Variants in GPRC5A observed in about 807,000 individuals in gnomAD.
GPRC5A encodes G protein-coupled receptor class C group 5 member A.
GPRC5A carries 19 observed loss-of-function variants against 22.5 expected under a neutral mutation model. That is an observed-to-expected ratio of 0.85 (90% CI 0.59 to 1.24). The LOEUF is 1.24. Among genes scored for constraint, GPRC5A ranks in the 50% most tolerant of loss-of-function variants. GPRC5A has a pLI of 0.00. For missense variants in GPRC5A, 471 were observed against 451.1 expected (o/e 1.04, Z -0.40); for synonymous variants, 192 against 184.5 (o/e 1.04, Z -0.33).
At chr12:12,910,770 T>C (rs1481727006) in intron 2 of GPRC5A, among the ~76,000 whole-genome samples, 1 of 152,158 alleles carries the variant, frequency 6.6e-6, no homozygotes, top group South Asian at 2.1e-4. Flanking sequence ...GTCTGTCTCA[T>C]TGCACTGTTA....
rs1050323835 is a variant in GPRC5A, at chr12:12,891,578, G to T, written c.-94G>T. On this transcript the variant is annotated 5_prime_UTR_variant, in exon 1 of 4. Coordinates refer to ENST00000014914, the MANE Select transcript of GPRC5A (RefSeq NM_003979.4). ...TGCGAGGGCGGGATAGCTGTCCAAG[G>T]TCTCCCCCAGCACTGAGGAGCTCGC... is the stretch of plus-strand genomic sequence containing the variant. 1 of 152,382 alleles carries T rather than the reference G, an allele frequency of 6.6e-6. No homozygotes were observed. The highest frequency in any genetic ancestry group is 2.4e-5 in the African/African-American group (1 of 41,574). 9.4% of individuals were successfully genotyped at this position (152,382 alleles called of 1,614,324 possible).
intron 1 of GPRC5A, among the ~76,000 whole-genome samples, chr12:12,895,994 C>CAAAA (rs1323287104): frequency 1.5e-4 from 2 of 12,922 alleles, no homozygotes; most frequent in South Asian, 3.0e-3. Flanking sequence ...CTCTGTCTCA[C>CAAAA]AAAAAAAAAA....
intron 1 of GPRC5A, among the ~76,000 whole-genome samples, chr12:12,897,878 G>C (rs1863839767): frequency 6.6e-6 from 1 of 151,898 alleles, no homozygotes; most frequent in Admixed American, 6.6e-5. Context: ...CCAAAGTTCT[G>C]GGCTCACAGG....
Position 12,909,129 on chromosome 12 carries a change from G to C in GPRC5A, c.880G>C (p.Gly294Arg). Residue 294 changes from glycine to arginine, a missense_variant, in exon 2 of 4, where the codon GGT becomes CGT. Coordinates refer to ENST00000014914, the MANE Select transcript of GPRC5A (RefSeq NM_003979.4). Reference protein sequence around the residue: ...CKPQLVKKSYGVENRAYSQEE... With the variant: ...CKPQLVKKSYRVENRAYSQEE... ...ACCTCAACTCGTGAAGAAGAGCTAT[G>C]GTGTGGAGAACAGAGCCTACTCTCA... 1.9e-6 allele frequency: 3 copies of C among 1,599,564 alleles called. No homozygotes were observed. Among genetic ancestry groups the C allele is most frequent in the Non-Finnish European group, 2.5e-6 (3 of 1,179,384 alleles).
Position 12,906,160 on chromosome 12 carries a change from G to A in GPRC5A, c.-7-2083G>A, listed in dbSNP as rs76661328. Among the ~76,000 whole-genome samples, 1,457 of 152,258 alleles carry A rather than the reference G, an allele frequency of 9.6e-3. 22 individuals carry two copies. Among genetic ancestry groups the A allele is most frequent in the African/African-American group, 0.033 (1,354 of 41,510 alleles). On this transcript the variant is annotated intron_variant, in intron 1 of 3. Coordinates refer to ENST00000014914, the MANE Select transcript of GPRC5A (RefSeq NM_003979.4). ...GCCATTTCCTGGTTGTATGATGTTG[G>A]GCATGTAACTTGACTTCTCTGCCTC...
At chr12:12,901,114 C>G (rs1274730874) in intron 1 of GPRC5A, among the ~76,000 whole-genome samples, 1 of 151,994 alleles carries the variant, frequency 6.6e-6, no homozygotes, top group African/African-American at 2.4e-5. Flanking sequence ...AGGGTCTCGT[C>G]CTCATACTCA....
At chr12:12,902,533 G>A (rs144351100) in intron 1 of GPRC5A, among the ~76,000 whole-genome samples, 5 of 150,912 alleles carry the variant, frequency 3.3e-5, no homozygotes, top group Admixed American at 2.6e-4. Flanking sequence ...GAGGCCGAGA[G>A]GGGGAGGATC....
At position 12,917,868 on chromosome 12, in the gene GPRC5A, G is replaced by C. The variant is rs1191766272; in HGVS notation, c.*5329G>C. 2 of 152,132 alleles carry C rather than the reference G, an allele frequency of 1.3e-5. No individual in the cohort carries two copies. The highest frequency in any genetic ancestry group is 4.8e-5 in the African/African-American group (2 of 41,432). The allele number at this position is 152,132 out of a possible 1,614,324, so 9.4% of individuals were successfully genotyped here. On this transcript the variant is annotated 3_prime_UTR_variant, in exon 4 of 4. Transcript: ENST00000014914. ...ATGGATGCCTTTTCACATCATTTCAGTTTTTAGCCCTCATGACTGTATTTT... is the reference window on the plus strand; with the variant it reads ...ATGGATGCCTTTTCACATCATTTCACTTTTTAGCCCTCATGACTGTATTTT...
intron 1 of GPRC5A, among the ~76,000 whole-genome samples, chr12:12,893,902 C>T (rs1272136491): frequency 1.3e-5 from 2 of 152,270 alleles, no homozygotes; most frequent in African/African-American, 4.8e-5. Flanking sequence ...GCTGGGATTA[C>T]AGGCGCCCGC....
At position 12,912,101 on chromosome 12, in the gene GPRC5A, G is replaced by C. The variant is rs764447644; in HGVS notation, c.940G>C (p.Asp314His). Residue 314 changes from aspartate (D) to histidine (H), a missense_variant, in exon 3 of 4, where the codon GAC becomes CAC. Physicochemically the swap from Asp to His is moderately conservative, Grantham distance 81. Coordinates refer to ENST00000014914, the MANE Select transcript of GPRC5A (RefSeq NM_003979.4). Reference sequence around the variant, plus strand: ...CATTTCAGGTTTTGAAGAGACAGGGGACACGCTCTATGCCCCCTATTCCAC... The same window carrying C: ...CATTTCAGGTTTTGAAGAGACAGGGCACACGCTCTATGCCCCCTATTCCAC... ...EITQGFEETG[D>H]TLYAPYSTHF... 1.9e-6 allele frequency: 3 copies of C among 1,613,438 alleles called. No individual in the cohort carries two copies. The highest frequency in any genetic ancestry group is 2.5e-6 in the Non-Finnish European group (3 of 1,179,342).
rs1863978438 is a variant in GPRC5A at position 12,909,144 on chromosome 12, G to A, written c.895G>A (p.Ala299Thr). 1 of 1,594,706 alleles carries A rather than the reference G, an allele frequency of 6.3e-7. No individual in the cohort carries two copies. Among genetic ancestry groups the A allele is most frequent in the African/African-American group, 1.3e-5 (1 of 74,774 alleles). ...VKKSYGVENR[A>T]YSQEEITQGF... is the part of the protein sequence containing the mutation. The stretch of plus-strand genomic sequence containing the variant: ...GAAGAGCTATGGTGTGGAGAACAGA[G>A]CCTACTCTCAAGAGGAAATCACTCA... Residue 299 changes from alanine (A) to threonine (T), a missense_variant, in exon 2 of 4, where the codon GCC becomes ACC. Physicochemically the swap from Ala to Thr is moderately conservative, Grantham distance 58. Transcript: ENST00000014914.
intron 2 of GPRC5A, among the ~76,000 whole-genome samples, chr12:12,910,975 A>G (rs542356270): frequency 7.4e-4 from 113 of 151,788 alleles, no homozygotes; most frequent in African/African-American, 2.6e-3. Context: ...GGTTCAAGCA[A>G]TTCTCCTGCC....
rs953812703 is a variant in GPRC5A at position 12,912,862 on chromosome 12, C to T, written c.*323C>T. ...TTTGAAACAGGATCTTGCTCTGTCA[C>T]CCAGGCTTGAGTGCAGTGGTGCGAT... On this transcript the variant is annotated 3_prime_UTR_variant, in exon 4 of 4. Transcript: ENST00000014914. 1.9e-5 allele frequency: 5 copies of T among 265,658 alleles called. No individual in the cohort carries two copies. Among genetic ancestry groups the T allele is most frequent in the Non-Finnish European group, 3.5e-5 (5 of 140,976 alleles). The allele number at this position is 265,658 out of a possible 1,614,324, so 16.5% of individuals were successfully genotyped here.
rs776626731 is a variant in GPRC5A at position 12,912,069 on chromosome 12, G to C, written c.923-15G>C. 1 of 1,600,722 alleles carries C rather than the reference G, an allele frequency of 6.2e-7. No homozygotes were observed. The highest frequency in any genetic ancestry group is 1.1e-5 in the South Asian group (1 of 90,766). ...GGGCCCCAGTGGTTTAATTTCTCCT[G>C]TTCCTCCATTTCAGGTTTTGAAGAG... On this transcript the variant is annotated splice_polypyrimidine_tract_variant and intron_variant, in intron 2 of 3. Transcript: ENST00000014914.
rs867981878 is a variant in GPRC5A at position 12,905,185 on chromosome 12, A to G, written c.-7-3058A>G. On this transcript the variant is annotated intron_variant, in intron 1 of 3. Coordinates refer to ENST00000014914, the MANE Select transcript of GPRC5A (RefSeq NM_003979.4). ...CATAAGCCACTGTGCCCGGCCAAGA[A>G]GGTTGTTTTTTCCGAGCTGTTTTTT... 2.6e-5 allele frequency among the ~76,000 whole-genome samples: 4 copies of G among 152,130 alleles called. No homozygotes were observed. The South Asian group carries it at 6.2e-4, about 24-fold the overall frequency.
Position 12,916,200 on chromosome 12 carries a change from T to A in GPRC5A, c.*3661T>A. 1 of 157,296 alleles carries A rather than the reference T, an allele frequency of 6.4e-6. No homozygotes were observed. The highest frequency in any genetic ancestry group is 1.6e-4 in the South Asian group (1 of 6,356). 9.7% of individuals were successfully genotyped at this position (157,296 alleles called of 1,614,324 possible). ...TGGGCTGAAATGGAATGTGCAAATG[T>A]AGCCCAGCCTGGTCCTTGGGTGTTG... On this transcript the variant is annotated 3_prime_UTR_variant, in exon 4 of 4. Coordinates refer to ENST00000014914, the MANE Select transcript of GPRC5A (RefSeq NM_003979.4).
chr12:12,903,782 T>C (rs1220243334), intron 1 of GPRC5A, among the ~76,000 whole-genome samples: 1 of 152,178 alleles, frequency 6.6e-6, no homozygotes, highest in East Asian at 1.9e-4. Flanking sequence ...GCAGCTGCGC[T>C]GGAAGAGGAG....
At chr12:12,903,597 T>A (rs1405882857) in intron 1 of GPRC5A, among the ~76,000 whole-genome samples, 1 of 152,218 alleles carries the variant, frequency 6.6e-6, no homozygotes, top group African/African-American at 2.4e-5. Context: ...TAAATAATGT[T>A]TAAAAGGAAC....
At chr12:12,906,346 G>T (rs1190931175) in intron 1 of GPRC5A, among the ~76,000 whole-genome samples, 2 of 151,956 alleles carry the variant, frequency 1.3e-5, no homozygotes, top group African/African-American at 4.8e-5. Context: ...CAAGGCAAGA[G>T]GATTAATTGA....
Sources: allele counts gnomAD v4.1 joint callset (sites outside exome capture counted in the v4.1 genomes callset), GRCh38; gene constraint gnomAD v4.1.1; transcripts MANE v1.5; gene names NCBI Gene and HGNC (gene_info 2026-07-23, HGNC 2026-07-21).